Variants in CDH18 observed in about 807,000 individuals in gnomAD.
CDH18 encodes cadherin-18.
In CDH18, 31 loss-of-function variants were observed where a neutral mutation model predicts 67.9. That is an observed-to-expected ratio of 0.46 (90% confidence interval 0.34 to 0.62). CDH18 has a LOEUF of 0.62. Ranked by LOEUF, CDH18 falls within the 20% of genes least tolerant of loss-of-function variation. CDH18 has a pLI of 0.01. For synonymous variants in CDH18, 362 were observed against 347.2 expected (o/e 1.04, Z -0.48); for missense variants, 890 against 975.5 (o/e 0.91, Z 1.17).
intron 8 of CDH18, among the ~76,000 whole-genome samples, chr5:19,552,579 A>C (rs1737653024): frequency 6.6e-6 from 1 of 152,188 alleles, no homozygotes; most frequent in African/African-American, 2.4e-5. Flanking sequence ...CTACATGTTC[A>C]CTATATTATG....
chr5:20,539,943 C>A (rs553833994), intron 1 of CDH18, among the ~76,000 whole-genome samples: 2 of 152,224 alleles, frequency 1.3e-5, no homozygotes, highest in Admixed American at 1.3e-4. Flanking sequence ...AATTTGGAAG[C>A]ACTGAACTAT....
In CDH18 at chr5:20,553,003, T is replaced by G. The variant is rs577846217; in HGVS notation, c.-580+22459A>C. ...CTCCTGACCTCGTGATACGCCCGCC[T>G]GGGCCTCCCAAAGTGCTGGGATTAC... On this transcript the variant is annotated intron_variant, in intron 1 of 14. Transcript: ENST00000507958. Among the ~76,000 whole-genome samples, 5 of 152,310 alleles carry G rather than the reference T, an allele frequency of 3.3e-5. No individual in the cohort carries two copies. In the South Asian group the frequency reaches 1.0e-3, roughly 32 times the overall value.
At chr5:20,559,550 C>A (rs997599075) in intron 1 of CDH18, among the ~76,000 whole-genome samples, 5 of 152,012 alleles carry the variant, frequency 3.3e-5, no homozygotes, top group Non-Finnish European at 5.9e-5. Context: ...AAGCACATGG[C>A]TCACGGGACT....
intron 2 of CDH18, among the ~76,000 whole-genome samples, chr5:20,018,110 G>T (rs1738043126): frequency 6.6e-6 from 1 of 152,166 alleles, no homozygotes. Context: ...ACAATAGGGT[G>T]AGGTAGGTAC....
At chr5:20,478,802 T>A (rs929376102) in intron 1 of CDH18, among the ~76,000 whole-genome samples, 2 of 152,136 alleles carry the variant, frequency 1.3e-5, no homozygotes, top group African/African-American at 4.8e-5. Context: ...TTGGGTAAGA[T>A]TCAATGCTAT....
chr5:20,202,181 G>C (rs1404295552), intron 2 of CDH18, among the ~76,000 whole-genome samples: 1 of 152,192 alleles, frequency 6.6e-6, no homozygotes, highest in Non-Finnish European at 1.5e-5. Flanking sequence ...CAGTGAATTT[G>C]TAAAGTGGAG....
intron 1 of CDH18, among the ~76,000 whole-genome samples, chr5:20,382,391 T>G (rs546008472): frequency 6.6e-6 from 1 of 152,254 alleles, no homozygotes; most frequent in African/African-American, 2.4e-5. Context: ...GGAAGGCTTT[T>G]TGTTTTTTTA....
rs183499281 is a variant in CDH18, at chr5:19,811,172, A to G, written c.228+27587T>C. Among the ~76,000 whole-genome samples the G allele has an allele frequency of 2.2e-3, 326 of 149,884 alleles. 4 individuals carry two copies. The highest frequency in any genetic ancestry group is 4.1e-3 in the South Asian group (19 of 4,668). On this transcript the variant is annotated intron_variant, in intron 3 of 12. Coordinates refer to ENST00000382275, the MANE Select transcript of CDH18 (RefSeq NM_004934.5). ...AAAGAAAGAAAGAAGGAGAGAAAGA[A>G]AGAGAAGAAAGAGGGAGAGAAAGAA...
intron 1 of CDH18, among the ~76,000 whole-genome samples, chr5:20,391,512 T>C (rs1172742912): frequency 6.6e-6 from 1 of 152,086 alleles, no homozygotes; most frequent in African/African-American, 2.4e-5. Context: ...ATTATAATTA[T>C]TATTATTCAG....
intron 2 of CDH18, among the ~76,000 whole-genome samples, chr5:20,002,886 T>C (rs974756016): frequency 4.6e-5 from 7 of 151,840 alleles, no homozygotes; most frequent in Non-Finnish European, 1.0e-4. Flanking sequence ...AGAGGATTGG[T>C]TTGCCGATCA....
intron 1 of CDH18, among the ~76,000 whole-genome samples, chr5:20,516,801 C>T (rs576128564): frequency 5.3e-5 from 8 of 151,672 alleles, no homozygotes; most frequent in South Asian, 4.2e-4. Flanking sequence ...TTCGGATTGC[C>T]GTAGGACTTC....
At chr5:20,037,209 T>G (rs944585976) in intron 2 of CDH18, among the ~76,000 whole-genome samples, 2 of 152,120 alleles carry the variant, frequency 1.3e-5, no homozygotes, top group Admixed American at 6.6e-5. Flanking sequence ...CTTCATACTG[T>G]CGATGCTCTT....
chr5:20,180,670 C>A (rs1418338273), intron 2 of CDH18, among the ~76,000 whole-genome samples: 1 of 152,132 alleles, frequency 6.6e-6, no homozygotes, highest in Admixed American at 6.5e-5. Flanking sequence ...CCCCTGCCCT[C>A]ACTAAACTTA....
intron 2 of CDH18, among the ~76,000 whole-genome samples, chr5:20,166,439 C>CAAAAA (rs796889478): frequency 2.7e-5 from 2 of 74,708 alleles, no homozygotes; most frequent in African/African-American, 1.1e-4. Flanking sequence ...GACTCTGTCT[C>CAAAAA]AAAAAAAAAA....
At chr5:20,325,405 C>T (rs980903074) in intron 1 of CDH18, among the ~76,000 whole-genome samples, 5 of 152,120 alleles carry the variant, frequency 3.3e-5, no homozygotes, top group Admixed American at 2.0e-4. Context: ...AAACTTGTTC[C>T]ATGGGCTATA....
At chr5:19,728,285 T>A (rs961353837) in intron 4 of CDH18, among the ~76,000 whole-genome samples, 4 of 152,270 alleles carry the variant, frequency 2.6e-5, no homozygotes, top group African/African-American at 9.6e-5. Context: ...CCCTTAAAAG[T>A]TATAATCACA....
At chr5:19,760,938 G>A (rs1196320086) in intron 3 of CDH18, among the ~76,000 whole-genome samples, 1 of 152,114 alleles carries the variant, frequency 6.6e-6, no homozygotes, top group African/African-American at 2.4e-5. Context: ...AGTGGATGTC[G>A]CCACTACTGG....
chr5:20,271,759 C>A (rs561101098), intron 1 of CDH18, among the ~76,000 whole-genome samples: 1 of 151,944 alleles, frequency 6.6e-6, no homozygotes, highest in Admixed American at 6.6e-5. Context: ...GATTTCCAGC[C>A]ATGACAACTG....
At chr5:20,432,723 T>C in intron 1 of CDH18, among the ~76,000 whole-genome samples, 1 of 151,924 alleles carries the variant, frequency 6.6e-6, no homozygotes. Context: ...TCATATTGAA[T>C]TACAGCCTGA....
Sources: allele counts gnomAD v4.1 joint callset (sites outside exome capture counted in the v4.1 genomes callset), GRCh38; gene constraint gnomAD v4.1.1; transcripts MANE v1.5; gene names NCBI Gene and HGNC (gene_info 2026-07-23, HGNC 2026-07-21).